The following SERPINE2 variants were observed in gnomAD, a reference collection of about 807,000 sequenced individuals.
SERPINE2 encodes serpin family E member 2, also known as glia-derived nexin.
SERPINE2 carries 14 observed loss-of-function variants against 36.3 expected under a neutral mutation model. The observed-to-expected ratio is 0.39, with a 90% CI of 0.25 to 0.60. SERPINE2 has a LOEUF of 0.60. Ranked by LOEUF, SERPINE2 falls within the 20% of genes least tolerant of loss-of-function variation. The probability of loss-of-function intolerance (pLI) is 0.57; values close to 1 mark genes in which losing one functional copy is unlikely to be tolerated. For missense variants in SERPINE2, 418 were observed against 499.6 expected (o/e 0.84, Z 1.56); for synonymous variants, 192 against 191.8 (o/e 1.00, Z -0.01).
In SERPINE2 at chr2:224,030,198, A is replaced by C. The variant is rs577662222; in HGVS notation, c.-23+8901T>G. 1.0e-5 allele frequency: 10 copies of C among 985,384 alleles called. No individual in the cohort carries two copies. The South Asian group carries it at 4.2e-4, about 42-fold the overall frequency. The allele number at this position is 985,384 out of a possible 1,614,324, so 61.0% of individuals were successfully genotyped here. The stretch of plus-strand genomic sequence containing the variant: ...CTTTGCTTCATGGCCAACGCACAAG[A>C]GCCTGAAGCCTGCGGGCAGGACAGA... On this transcript the variant is annotated intron_variant, in intron 1 of 8. Transcript: ENST00000409304.
At chr2:224,009,778 C>T (rs947211766) in intron 1 of SERPINE2, among the ~76,000 whole-genome samples, 8 of 152,068 alleles carry the variant, frequency 5.3e-5, no homozygotes, top group African/African-American at 1.7e-4. Context: ...TAAGTAAAAT[C>T]GTGCTGTCCA....
intron 2 of SERPINE2, among the ~76,000 whole-genome samples, chr2:224,000,782 C>T (rs1487823868): frequency 6.6e-6 from 1 of 152,010 alleles, no homozygotes; most frequent in Non-Finnish European, 1.5e-5. Context: ...TGAGAACATG[C>T]CGTGTTTGGT....
intron 4 of SERPINE2, among the ~76,000 whole-genome samples, chr2:223,988,538 A>T (rs1461872181): frequency 6.6e-6 from 1 of 152,216 alleles, no homozygotes; most frequent in Admixed American, 6.5e-5. Context: ...ATGTGAACAG[A>T]CAGGTATGAG....
intron 7 of SERPINE2, chr2:223,978,771 T>C (rs1325421932): frequency 1.3e-5 from 2 of 152,178 alleles, no homozygotes; most frequent in Non-Finnish European, 2.9e-5. Flanking sequence ...AAAACAAATA[T>C]TAAATAGCAG....
chr2:224,020,272 G>A (rs1691952751), intron 1 of SERPINE2, among the ~76,000 whole-genome samples: 1 of 152,222 alleles, frequency 6.6e-6, no homozygotes, highest in Non-Finnish European at 1.5e-5. Flanking sequence ...CGTCTGAAGT[G>A]AAATGGTACG....
intron 1 of SERPINE2, among the ~76,000 whole-genome samples, chr2:224,032,950 T>A (rs1692426123): frequency 6.6e-6 from 1 of 152,210 alleles, no homozygotes; most frequent in East Asian, 1.9e-4. Context: ...AAGGCAAGAC[T>A]CACTGACTGT....
intron 1 of SERPINE2, among the ~76,000 whole-genome samples, chr2:224,003,262 C>T (rs1354218705): frequency 6.6e-6 from 1 of 152,090 alleles, no homozygotes; most frequent in Non-Finnish European, 1.5e-5. Flanking sequence ...AGAAGGGAGA[C>T]AGGTGGGTGA....
At chr2:224,013,717 T>G (rs905226011) in intron 1 of SERPINE2, 1 of 152,092 alleles carries the variant, frequency 6.6e-6, no homozygotes. Flanking sequence ...AGGCGGTAGG[T>G]GGGGAGGACT....
At chr2:224,010,387 C>T in intron 1 of SERPINE2, 1 of 984,648 alleles carries the variant, frequency 1.0e-6, no homozygotes, top group East Asian at 1.1e-4. Flanking sequence ...CAAATGGTCC[C>T]TTCAATGAAA....
chr2:224,005,365 G>A lies in SERPINE2; in HGVS notation c.-22-3443C>T, dbSNP rs189049985. On this transcript the variant is annotated intron_variant, in intron 1 of 8. Coordinates refer to ENST00000409304, the MANE Select transcript of SERPINE2 (RefSeq NM_001136528.2). Reference sequence around the variant, plus strand: ...AAAAGTGCACTGGGACAGTGTTAGAGCTGTGCAGAACTTGGAATCAGAGCT... The same window carrying A: ...AAAAGTGCACTGGGACAGTGTTAGAACTGTGCAGAACTTGGAATCAGAGCT... 1.1e-4 allele frequency among the ~76,000 whole-genome samples: 16 copies of A among 152,142 alleles called. No homozygotes were observed. The East Asian group carries it at 2.9e-3, about 28-fold the overall frequency.
intron 1 of SERPINE2, among the ~76,000 whole-genome samples, chr2:224,025,181 C>A (rs1283594738): frequency 6.6e-6 from 1 of 152,208 alleles, no homozygotes; most frequent in Admixed American, 6.5e-5. Context: ...AAGACTGGCA[C>A]GGCCAAGGGC....
chr2:224,005,509 T>A (rs1691390050), intron 1 of SERPINE2, among the ~76,000 whole-genome samples: 1 of 152,202 alleles, frequency 6.6e-6, no homozygotes, highest in Non-Finnish European at 1.5e-5. Flanking sequence ...TTCATTTTTC[T>A]CCAAAGTTCA....
intron 1 of SERPINE2, among the ~76,000 whole-genome samples, chr2:224,021,285 G>C (rs369899919): frequency 6.6e-6 from 1 of 152,294 alleles, no homozygotes; most frequent in East Asian, 1.9e-4. Context: ...CTGGGAAAAA[G>C]GGGTGCCACA....
chr2:223,996,864 C>A (rs531454857), intron 3 of SERPINE2, among the ~76,000 whole-genome samples: 5 of 152,278 alleles, frequency 3.3e-5, no homozygotes, highest in African/African-American at 9.6e-5. Context: ...ACTGCTTGAA[C>A]CCAAGAGTTC....
intron 3 of SERPINE2, among the ~76,000 whole-genome samples, chr2:223,996,411 G>C (rs983459778): frequency 2.0e-5 from 3 of 152,186 alleles, no homozygotes; most frequent in African/African-American, 7.2e-5. Context: ...AGGGCGCCCA[G>C]ACTGCATGGT....
chr2:224,030,838 G>A (rs1413570117), intron 1 of SERPINE2: 5 of 406,126 alleles, frequency 1.2e-5, no homozygotes, highest in African/African-American at 2.2e-5. Flanking sequence ...TAAGTTATTC[G>A]CTTGGACTCT....
Position 224,001,827 on chromosome 2 carries a change from A to G in SERPINE2, c.74T>C (p.Leu25Pro). The G allele has an allele frequency of 4.3e-6, 7 of 1,614,170 alleles. No homozygotes were observed. The highest frequency in any genetic ancestry group is 5.9e-6 in the Non-Finnish European group (7 of 1,180,024). Residue 25 changes from leucine to proline, a missense_variant, in exon 2 of 9, where the codon CTG becomes CCG. By Grantham distance (98) the Leu-to-Pro change is moderately conservative. Coordinates refer to ENST00000409304, the MANE Select transcript of SERPINE2 (RefSeq NM_001136528.2). ...GTTGGAGCCTAGTTCCTCGAGAGAC[A>G]GAGGATTGAAGTGGGAGCAGATGGA... ...LPSICSHFNPLSLEELGSNTG... is the reference protein window; with the variant it reads ...LPSICSHFNPPSLEELGSNTG...
At chr2:224,016,506 CAAAAAAA>C (rs34770432) in intron 1 of SERPINE2, among the ~76,000 whole-genome samples, 3 of 139,558 alleles carry the variant, frequency 2.1e-5, no homozygotes, top group Admixed American at 2.1e-4. Context: ...AAGTCCGTCT[CAAAAAAA>C]AAAAAAAAAT....
At chr2:223,997,173 A>G (rs769503907) in intron 3 of SERPINE2, among the ~76,000 whole-genome samples, 10 of 152,106 alleles carry the variant, frequency 6.6e-5, no homozygotes, top group Admixed American at 2.0e-4. Context: ...GCATGTTTCC[A>G]ACTGGACCTC....
Sources: allele counts gnomAD v4.1 joint callset (sites outside exome capture counted in the v4.1 genomes callset), GRCh38; gene constraint gnomAD v4.1.1; transcripts MANE v1.5; gene names NCBI Gene and HGNC (gene_info 2026-07-23, HGNC 2026-07-21).